The following AGBL1 variants were observed in gnomAD, a reference collection of about 807,000 sequenced individuals.
AGBL1 encodes the protein cytosolic carboxypeptidase 4.
AGBL1 carries 130 observed loss-of-function variants against 118.9 expected under a neutral mutation model. The observed-to-expected ratio is 1.09, with a 90% CI of 0.95 to 1.26. The LOEUF (loss-of-function observed/expected upper bound fraction) is 1.26, where lower values mean the gene tolerates loss of function less well. AGBL1 is among the 50% of genes most tolerant of loss of function. AGBL1 has a pLI of 0.00. For synonymous variants in AGBL1, 555 were observed against 478.9 expected, an observed-to-expected ratio of 1.16 and a Z score of -2.08; for missense variants, 1,584 against 1,298.1, an observed-to-expected ratio of 1.22 and a Z score of -3.38.
intron 22 of AGBL1, among the ~76,000 whole-genome samples, chr15:86,830,013 A>C (rs2079082090): frequency 6.6e-6 from 1 of 152,158 alleles, no homozygotes; most frequent in Non-Finnish European, 1.5e-5. Context: ...AGAATGATTT[A>C]ATACCGTAAA....
chr15:86,994,362 G>C (rs941329506), intron 24 of AGBL1, among the ~76,000 whole-genome samples: 1 of 151,988 alleles, frequency 6.6e-6, no homozygotes, highest in Non-Finnish European at 1.5e-5. Context: ...GGATGGGGTC[G>C]GATGGGCACA....
At chr15:86,088,461 G>T (rs1895810552) in intron 1 of AGBL1, 1 of 152,298 alleles carries the variant, frequency 6.6e-6, no homozygotes, top group South Asian at 2.1e-4. Flanking sequence ...TATCAGTGGA[G>T]AAAGTGCTGG....
intron 21 of AGBL1, among the ~76,000 whole-genome samples, chr15:86,567,682 G>A (rs1256051703): frequency 6.6e-6 from 1 of 152,160 alleles, no homozygotes; most frequent in East Asian, 1.9e-4. Context: ...GGGAGGAGGT[G>A]TCTTTCTTTC....
intron 21 of AGBL1, among the ~76,000 whole-genome samples, chr15:86,639,687 A>C (rs1219067316): frequency 6.6e-6 from 1 of 152,134 alleles, no homozygotes; most frequent in African/African-American, 2.4e-5. Context: ...TCCACTGACA[A>C]AGTCTGGCTG....
At chr15:86,696,734 T>A (rs865800183) in intron 22 of AGBL1, among the ~76,000 whole-genome samples, 40 of 152,080 alleles carry the variant, frequency 2.6e-4, no homozygotes, top group Middle Eastern at 6.8e-3. Context: ...TTGATGTGTT[T>A]CCAGGATTTG....
chr15:86,525,763 C>T (rs1486574929), intron 19 of AGBL1, among the ~76,000 whole-genome samples: 1 of 152,044 alleles, frequency 6.6e-6, no homozygotes, highest in East Asian at 1.9e-4. Context: ...TAAAAATTTT[C>T]AAAGAAAACC....
chr15:86,281,588 G>A (rs1846985136), intron 16 of AGBL1, among the ~76,000 whole-genome samples: 1 of 152,144 alleles, frequency 6.6e-6, no homozygotes, highest in African/African-American at 2.4e-5. Context: ...AGAATGCAAA[G>A]GGGTTGGGTG....
intron 24 of AGBL1, chr15:86,988,345 AGT>A: frequency 3.3e-6 from 1 of 303,944 alleles, no homozygotes; most frequent in Non-Finnish European, 6.0e-6. Flanking sequence ...ACTATCTGCC[AGT>A]AGATGTTGAT....
intron 17 of AGBL1, among the ~76,000 whole-genome samples, chr15:86,336,864 C>T (rs144885755): frequency 1.3e-5 from 2 of 152,226 alleles, no homozygotes; most frequent in Non-Finnish European, 2.9e-5. Context: ...TATGATGACA[C>T]ATGATCTTTG....
At chr15:86,691,385 C>G (rs746169201) in intron 22 of AGBL1, among the ~76,000 whole-genome samples, 10 of 152,060 alleles carry the variant, frequency 6.6e-5, no homozygotes, top group Non-Finnish European at 1.3e-4. Context: ...TATTATTTTT[C>G]AGTACTGAAT....
intron 15 of AGBL1, among the ~76,000 whole-genome samples, chr15:86,278,267 C>T (rs79142143): frequency 0.013 from 2,046 of 152,188 alleles, 27 homozygotes; most frequent in Non-Finnish European, 0.022. Context: ...AATACAATGC[C>T]AAAAACCTGG....
intron 18 of AGBL1, among the ~76,000 whole-genome samples, chr15:86,458,397 A>G (rs546717786): frequency 6.6e-6 from 1 of 152,262 alleles, no homozygotes; most frequent in Admixed American, 6.5e-5. Context: ...TTTTGCATCA[A>G]TTTTCTTTCT....
intron 22 of AGBL1, among the ~76,000 whole-genome samples, chr15:86,734,189 T>C (rs1042099370): frequency 6.6e-6 from 1 of 152,178 alleles, no homozygotes; most frequent in African/African-American, 2.4e-5. Flanking sequence ...TTCTTAAATG[T>C]TATGAAAGTT....
At chr15:86,331,869 T>C (rs1369628222) in intron 17 of AGBL1, among the ~76,000 whole-genome samples, 2 of 152,150 alleles carry the variant, frequency 1.3e-5, no homozygotes, top group Admixed American at 6.5e-5. Flanking sequence ...CCAAAGACCC[T>C]ATAAAGCAAT....
chr15:86,216,116 CAAAA>C (rs1356186595), intron 5 of AGBL1, among the ~76,000 whole-genome samples: 1 of 152,150 alleles, frequency 6.6e-6, no homozygotes. Flanking sequence ...GGCCACCTTG[CAAAA>C]CTTGTTTATT....
chr15:86,822,070 C>T (rs2078949707), intron 22 of AGBL1, among the ~76,000 whole-genome samples: 1 of 152,176 alleles, frequency 6.6e-6, no homozygotes, highest in Non-Finnish European at 1.5e-5. Flanking sequence ...TCCATGTGTG[C>T]ACAGCCCTGA....
In AGBL1 at chr15:86,310,465, A is replaced by G. The variant is rs1349979887; in HGVS notation, c.2374+15057A>G. On this transcript the variant is annotated intron_variant, in intron 17 of 22. Transcript: ENST00000614907. The stretch of plus-strand genomic sequence containing the variant: ...AGTCCTTGGGCAGGTGGCTAGTTCC[A>G]GGGTCAGCAGGTGAGTGGGTCTGTG... Among the ~76,000 whole-genome samples the G allele has an allele frequency of 2.0e-5, 3 of 152,208 alleles. No homozygotes were observed. The East Asian group carries it at 5.8e-4, about 29-fold the overall frequency.
At chr15:86,518,577 G>A (rs1051059857) in intron 18 of AGBL1, among the ~76,000 whole-genome samples, 3 of 152,128 alleles carry the variant, frequency 2.0e-5, no homozygotes, top group African/African-American at 4.8e-5. Flanking sequence ...AAAAAGATAT[G>A]CCCCACAAAA....
At chr15:86,858,228 A>G (rs1299875749) in intron 22 of AGBL1, among the ~76,000 whole-genome samples, 1 of 152,222 alleles carries the variant, frequency 6.6e-6, no homozygotes, top group Admixed American at 6.5e-5. Flanking sequence ...TGGAATGGAA[A>G]TAAATAATTG....
Sources: allele counts gnomAD v4.1 joint callset (sites outside exome capture counted in the v4.1 genomes callset), GRCh38; gene constraint gnomAD v4.1.1; transcripts MANE v1.5; gene names NCBI Gene and HGNC (gene_info 2026-07-23, HGNC 2026-07-21).